Variants in ZBTB20 observed in about 807,000 individuals in gnomAD.
ZBTB20 encodes the protein zinc finger and BTB domain containing 20.
ZBTB20 carries 9 observed loss-of-function variants against 56.9 expected under a neutral mutation model. That is an observed-to-expected ratio of 0.16 (90% CI 0.10 to 0.28). The LOEUF (loss-of-function observed/expected upper bound fraction) is 0.28. ZBTB20 is among the 10% of genes least tolerant of loss of function. ZBTB20 has a pLI of 1.00. For missense variants in ZBTB20, 655 were observed against 1,003.0 expected (o/e 0.65, Z 4.69); for synonymous variants, 417 against 420.7 (o/e 0.99, Z 0.11).
chr3:114,355,462 T>C (rs2081149136), intron 10 of ZBTB20, among the ~76,000 whole-genome samples: 1 of 152,242 alleles, frequency 6.6e-6, no homozygotes, highest in African/African-American at 2.4e-5. Flanking sequence ...TTTTTGCTGA[T>C]ATGAGTACAG....
At chr3:114,550,802 G>A (rs1214837867) in intron 6 of ZBTB20, among the ~76,000 whole-genome samples, 1 of 152,188 alleles carries the variant, frequency 6.6e-6, no homozygotes, top group Non-Finnish European at 1.5e-5. Context: ...CCACGCTGGA[G>A]TGCAGTGGCG....
intron 6 of ZBTB20, among the ~76,000 whole-genome samples, chr3:114,511,690 C>G (rs1447283306): frequency 6.6e-6 from 1 of 151,970 alleles, no homozygotes; most frequent in Non-Finnish European, 1.5e-5. Flanking sequence ...TGTCTTAAAT[C>G]CTACACTTTA....
At chr3:114,726,911 C>CA (rs35565597) in intron 5 of ZBTB20, among the ~76,000 whole-genome samples, 26,604 of 49,238 alleles carry the variant, frequency 0.54, 11,199 homozygotes, top group East Asian at 0.65. Context: ...GACTCCATCA[C>CA]AAAAAAAAAA....
intron 2 of ZBTB20, among the ~76,000 whole-genome samples, chr3:114,981,579 C>T (rs2078329984): frequency 6.6e-6 from 1 of 152,010 alleles, no homozygotes; most frequent in Non-Finnish European, 1.5e-5. Context: ...ATAGCAAATA[C>T]ATGAGCAGTC....
chr3:114,664,627 ACG>A (rs1491054999), intron 6 of ZBTB20, among the ~76,000 whole-genome samples: 1 of 150,224 alleles, frequency 6.7e-6, no homozygotes, highest in African/African-American at 2.5e-5. Context: ...ACACACACAC[ACG>A]TACTAGCCTA....
At chr3:114,672,389 G>C (rs183786850) in intron 6 of ZBTB20, among the ~76,000 whole-genome samples, 30 of 152,226 alleles carry the variant, frequency 2.0e-4, no homozygotes, top group Admixed American at 5.2e-4. Context: ...TTTGTGGGCA[G>C]GATGAAAAAT....
At chr3:115,121,824 A>T (rs1445459113) in intron 1 of ZBTB20, among the ~76,000 whole-genome samples, 1 of 152,052 alleles carries the variant, frequency 6.6e-6, no homozygotes, top group African/African-American at 2.4e-5. Flanking sequence ...ATAAAATTTC[A>T]ATATAACCAA....
intron 1 of ZBTB20, among the ~76,000 whole-genome samples, chr3:115,127,709 G>T (rs1319031271): frequency 6.6e-6 from 1 of 152,152 alleles, no homozygotes; most frequent in Non-Finnish European, 1.5e-5. Context: ...ACTTGAAGGA[G>T]AAATCAAATA....
At chr3:115,054,151 T>C (rs1197362424) in intron 2 of ZBTB20, among the ~76,000 whole-genome samples, 1 of 152,028 alleles carries the variant, frequency 6.6e-6, no homozygotes, top group East Asian at 1.9e-4. Flanking sequence ...ATGACTAAAC[T>C]TATGAAGAAA....
At chr3:114,814,831 C>T (rs2072802302) in intron 4 of ZBTB20, among the ~76,000 whole-genome samples, 2 of 152,132 alleles carry the variant, frequency 1.3e-5, no homozygotes, top group African/African-American at 2.4e-5. Flanking sequence ...CTCAATAACC[C>T]ACGTTCCCTA....
intron 3 of ZBTB20, among the ~76,000 whole-genome samples, chr3:114,921,061 T>C (rs1220671399): frequency 6.6e-6 from 1 of 152,186 alleles, no homozygotes; most frequent in East Asian, 1.9e-4. Flanking sequence ...AACAGATTAA[T>C]AGCAAGTAAG....
At chr3:114,746,981 A>C (rs1268192729) in intron 5 of ZBTB20, among the ~76,000 whole-genome samples, 1 of 152,196 alleles carries the variant, frequency 6.6e-6, no homozygotes, top group African/African-American at 2.4e-5. Flanking sequence ...CTCAGGAAGG[A>C]GTGGGGAGGG....
intron 5 of ZBTB20, among the ~76,000 whole-genome samples, chr3:114,717,134 T>C (rs1368748889): frequency 6.6e-6 from 1 of 152,110 alleles, no homozygotes; most frequent in African/African-American, 2.4e-5. Flanking sequence ...GGTTTCCTTT[T>C]CCATTAAAAC....
intron 2 of ZBTB20, among the ~76,000 whole-genome samples, chr3:115,062,490 T>C (rs563433985): frequency 1.4e-4 from 22 of 152,264 alleles, no homozygotes; most frequent in Admixed American, 1.2e-3. Flanking sequence ...GCCTCTCTTA[T>C]GTCTAAAAAT....
In ZBTB20 at chr3:114,589,169, T is replaced by A. The variant is rs565043613; in HGVS notation, c.-294-88778A>T. Among the ~76,000 whole-genome samples, 4 of 152,312 alleles carry A rather than the reference T, an allele frequency of 2.6e-5. No individual in the cohort carries two copies. The South Asian group carries it at 6.2e-4, about 24-fold the overall frequency. ...GTGAGGACACAGCCAAACCATATCA[T>A]AATCTATCTTTCTAAAATCCCCCCA... On this transcript the variant is annotated intron_variant, in intron 6 of 11. Coordinates refer to ENST00000675478, the MANE Select transcript of ZBTB20 (RefSeq NM_001348800.3).
intron 3 of ZBTB20, among the ~76,000 whole-genome samples, chr3:114,969,249 GAAGA>G (rs1372748610): frequency 6.6e-6 from 1 of 152,156 alleles, no homozygotes; most frequent in Non-Finnish European, 1.5e-5. Flanking sequence ...GGGGTTGACA[GAAGA>G]AAGGAGGGAG....
At chr3:114,808,181 G>T (rs960927890) in intron 4 of ZBTB20, among the ~76,000 whole-genome samples, 7 of 151,998 alleles carry the variant, frequency 4.6e-5, no homozygotes, top group Non-Finnish European at 1.0e-4. Flanking sequence ...TCTTGAGTCA[G>T]TTTTGGTAAT....
At chr3:114,967,874 T>C (rs2077711075) in intron 3 of ZBTB20, among the ~76,000 whole-genome samples, 3 of 151,768 alleles carry the variant, frequency 2.0e-5, no homozygotes, top group African/African-American at 7.3e-5. Flanking sequence ...CGAGAATTGC[T>C]TGAACCCAGG....
intron 1 of ZBTB20, among the ~76,000 whole-genome samples, chr3:115,146,725 G>A (rs957114456): frequency 1.3e-5 from 2 of 152,186 alleles, no homozygotes; most frequent in African/African-American, 2.4e-5. Context: ...GCAAGCGGGG[G>A]AGGGCGAGGA....
Sources: allele counts gnomAD v4.1 joint callset (sites outside exome capture counted in the v4.1 genomes callset), GRCh38; gene constraint gnomAD v4.1.1; transcripts MANE v1.5; gene names NCBI Gene and HGNC (gene_info 2026-07-23, HGNC 2026-07-21).